TBC1D4: variants seen among roughly 807,000 people sequenced by gnomAD.
TBC1D4 encodes TBC1 domain family member 4.
A neutral mutation model predicts 142.5 loss-of-function variants in TBC1D4; 121 were observed. The observed-to-expected ratio is 0.85, with a 90% confidence interval of 0.73 to 0.99. TBC1D4 has a LOEUF of 0.99. TBC1D4 is among the 50% of genes least tolerant of loss of function. The pLI, the probability that TBC1D4 is intolerant of heterozygous loss-of-function variation, is 0.00. For missense variants in TBC1D4, 1,475 were observed against 1,606.6 expected, an observed-to-expected ratio of 0.92 and a Z score of 1.40; for synonymous variants, 630 against 628.2, an observed-to-expected ratio of 1.00 and a Z score of -0.04.
At chr13:75,301,985 T>C (rs555748865) in intron 16 of TBC1D4, among the ~76,000 whole-genome samples, 2 of 152,284 alleles carry the variant, frequency 1.3e-5, no homozygotes, top group South Asian at 2.1e-4. Flanking sequence ...ATATGACCTT[T>C]ATAATAATTT....
chr13:75,307,809 T>A (rs1877335000), intron 14 of TBC1D4, among the ~76,000 whole-genome samples: 1 of 152,210 alleles, frequency 6.6e-6, no homozygotes, highest in Non-Finnish European at 1.5e-5. Context: ...ACAGATGGCT[T>A]TCTAACACTG....
Position 75,349,411 on chromosome 13 carries a change from G to A in TBC1D4, c.1276-109C>T, listed in dbSNP as rs560750072. ...TGATGCTGACTAAATAAAAATAATA[G>A]AATTTTGATGACTAGAGAGTTAGCC... On this transcript the variant is annotated intron_variant, in intron 4 of 20. Coordinates refer to ENST00000377636, the MANE Select transcript of TBC1D4 (RefSeq NM_014832.5). 4 of 1,409,784 alleles carry A rather than the reference G, an allele frequency of 2.8e-6. No individual in the cohort carries two copies. In the East Asian group the frequency reaches 7.0e-5, roughly 25 times the overall value. The allele number at this position is 1,409,784 out of a possible 1,614,324, so 87.3% of individuals were successfully genotyped here.
At chr13:75,410,854 T>C (rs1173981316) in intron 1 of TBC1D4, among the ~76,000 whole-genome samples, 3 of 131,264 alleles carry the variant, frequency 2.3e-5, no homozygotes, top group African/African-American at 8.5e-5. Flanking sequence ...GAGAATGGCG[T>C]GAACCCGGGA....
Position 75,315,361 on chromosome 13 carries a change from T to TAC in TBC1D4, c.2223-2464_2223-2463insGT, listed in dbSNP as rs1341737945. 2.3e-3 allele frequency among the ~76,000 whole-genome samples: 334 copies of TAC among 148,224 alleles called. 1 individual carries two copies. Among genetic ancestry groups the TAC allele is most frequent in the African/African-American group, 7.8e-3 (316 of 40,642 alleles). ...CCTTCCTGAATATTGAATATATATA[T>TAC]ATATATATACACACACACACACACA... is the stretch of plus-strand genomic sequence containing the variant. On this transcript the variant is annotated intron_variant, in intron 12 of 20. Coordinates refer to ENST00000377636, the MANE Select transcript of TBC1D4 (RefSeq NM_014832.5).
rs778423955 is a variant in TBC1D4 at position 75,326,315 on chromosome 13, G to C, written c.1915C>G (p.Arg639Gly). The change falls in exon 10 of 21, where the codon CGG becomes GGG. Residue 639 changes from arginine to glycine, a missense_variant. Physicochemically the swap from Arg to Gly is moderately radical, Grantham distance 125. Coordinates refer to ENST00000377636, the MANE Select transcript of TBC1D4 (RefSeq NM_014832.5). ...GGTGGGTGGCTGAACGTGTGTGCCC[G>C]TCTTCGAAACTGCGGGGAGTCGGAA... is the stretch of plus-strand genomic sequence containing the variant. Reference protein sequence around the residue: ...EDSDSPQFRRRAHTFSHPPSS... With the variant: ...EDSDSPQFRRGAHTFSHPPSS... The C allele has an allele frequency of 6.2e-7, 1 of 1,613,982 alleles. No individual in the cohort carries two copies. Among genetic ancestry groups the C allele is most frequent in the Non-Finnish European group, 8.5e-7 (1 of 1,180,038 alleles).
At chr13:75,301,185 T>G (rs1876503158) in intron 16 of TBC1D4, among the ~76,000 whole-genome samples, 1 of 152,054 alleles carries the variant, frequency 6.6e-6, no homozygotes, top group South Asian at 2.1e-4. Context: ...TATATCAACT[T>G]TTAGGAGTAC....
chr13:75,403,639 C>T (rs1453663180), intron 1 of TBC1D4, among the ~76,000 whole-genome samples: 1 of 152,146 alleles, frequency 6.6e-6, no homozygotes, highest in Non-Finnish European at 1.5e-5. Flanking sequence ...ATTTCAATTA[C>T]ATTAGTTTTT....
At chr13:75,333,805 C>G (rs1173446392) in intron 8 of TBC1D4, among the ~76,000 whole-genome samples, 1 of 152,152 alleles carries the variant, frequency 6.6e-6, no homozygotes, top group East Asian at 1.9e-4. Flanking sequence ...CTTTAGGGTC[C>G]TTCAGTCTGG....
At position 75,292,213 on chromosome 13, in the gene TBC1D4, G is replaced by A. The variant is rs750552546; in HGVS notation, c.3375C>T (p.Ser1125=). The A allele has an allele frequency of 5.6e-6, 9 of 1,613,370 alleles. No individual in the cohort carries two copies. Among genetic ancestry groups the A allele is most frequent in the Non-Finnish European group, 7.6e-6 (9 of 1,179,636 alleles). ...ATTCCATTATAAGTGTCTCTTGGCT[G>A]CTCAGTAGGCTGAGTGCAACCTTGA... ...VIFKVALSLL[S]SQETLIMECE... The change falls in exon 19 of 21, where the codon AGC becomes AGT. Residue 1125 remains serine, a synonymous_variant. Transcript: ENST00000377636.
In TBC1D4 at chr13:75,320,044, C is replaced by T. The variant is rs1362000764; in HGVS notation, c.2199-7G>A. On this transcript the variant is annotated splice_polypyrimidine_tract_variant and splice_region_variant and intron_variant, in intron 11 of 20. Coordinates refer to ENST00000377636, the MANE Select transcript of TBC1D4 (RefSeq NM_014832.5). Reference sequence around the variant, plus strand: ...TTCTGAAGCAGTGTCTTGTCTGGTACAACAGGAAAACAAGGAATGGAATTA... The same window carrying T: ...TTCTGAAGCAGTGTCTTGTCTGGTATAACAGGAAAACAAGGAATGGAATTA... 6.2e-7 allele frequency: 1 copy of T among 1,613,178 alleles called. No homozygotes were observed. The highest frequency in any genetic ancestry group is 8.5e-7 in the Non-Finnish European group (1 of 1,179,570).
chr13:75,380,873 T>A (rs2138254619), intron 1 of TBC1D4, among the ~76,000 whole-genome samples: 1 of 152,140 alleles, frequency 6.6e-6, no homozygotes, highest in Non-Finnish European at 1.5e-5. Flanking sequence ...TCCCCCTACC[T>A]TTTTTTAACT....
At chr13:75,449,791 G>A (rs1301327790) in intron 1 of TBC1D4, among the ~76,000 whole-genome samples, 1 of 151,984 alleles carries the variant, frequency 6.6e-6, no homozygotes, top group Non-Finnish European at 1.5e-5. Flanking sequence ...CACCATGTTG[G>A]CGAGGCTGGT....
chr13:75,362,601 C>T lies in TBC1D4; in HGVS notation c.505G>A (p.Asp169Asn), dbSNP rs1434120563. Residue 169 changes from aspartate (D) to asparagine (N), a missense_variant, in exon 2 of 21, where the codon GAT becomes AAT. Around this residue, in one of 2 missense-constraint regions of TBC1D4, gnomAD observed 1,227 missense variants for 1,267.7 expected, o/e 0.97. Coordinates refer to ENST00000377636, the MANE Select transcript of TBC1D4 (RefSeq NM_014832.5). The surrounding 1 kb of genome is among the most constrained non-coding windows in gnomAD (Gnocchi z 4.2). ...AATTGCCTTATGCTGCTAATAACAT[C>T]AGGAACCTGGGGGAAAAAATTAAAA... ...FRATDPSQVPDVISSIRQLSK... is the reference protein window; with the variant it reads ...FRATDPSQVPNVISSIRQLSK... 4 of 1,613,918 alleles carry T rather than the reference C, an allele frequency of 2.5e-6. No homozygotes were observed. Among genetic ancestry groups the T allele is most frequent in the Non-Finnish European group, 3.4e-6 (4 of 1,179,908 alleles).
chr13:75,299,110 A>AT (rs1442656355), intron 17 of TBC1D4, among the ~76,000 whole-genome samples: 1 of 152,204 alleles, frequency 6.6e-6, no homozygotes, highest in African/African-American at 2.4e-5. Context: ...TACTTCAGGA[A>AT]TTTTATGGAA....
At chr13:75,383,044 G>A (rs1014576805) in intron 1 of TBC1D4, among the ~76,000 whole-genome samples, 10 of 152,154 alleles carry the variant, frequency 6.6e-5, no homozygotes, top group Admixed American at 1.3e-4. Context: ...ATCTTCGGTC[G>A]AGCACAGAGG....
chr13:75,383,168 C>T (rs1420395736), intron 1 of TBC1D4, among the ~76,000 whole-genome samples: 2 of 152,080 alleles, frequency 1.3e-5, no homozygotes, highest in Admixed American at 6.6e-5. Flanking sequence ...CCAAAAAATA[C>T]AAAAATTAGC....
At chr13:75,312,508 G>C (rs745532735) in intron 13 of TBC1D4, among the ~76,000 whole-genome samples, 11 of 151,988 alleles carry the variant, frequency 7.2e-5, no homozygotes, top group Non-Finnish European at 1.3e-4. Flanking sequence ...TTGTGGAGTA[G>C]GCCCAAGTAC....
intron 1 of TBC1D4, among the ~76,000 whole-genome samples, chr13:75,465,751 G>C (rs928032697): frequency 6.6e-6 from 1 of 152,112 alleles, no homozygotes; most frequent in African/African-American, 2.4e-5. Flanking sequence ...CTTTAAGTCT[G>C]ACAAGAAACA....
chr13:75,446,839 A>AT lies in TBC1D4; in HGVS notation c.498+34430dup, dbSNP rs200302498. On this transcript the variant is annotated intron_variant, in intron 1 of 20. Coordinates refer to ENST00000377636, the MANE Select transcript of TBC1D4 (RefSeq NM_014832.5). ...GGTTGATCTCAAATTAGTCCATATA[A>AT]TTTTTTTTTTTAACAAACAGGTGAA... Among the ~76,000 whole-genome samples, 1,179 of 149,194 alleles carry AT rather than the reference A, an allele frequency of 7.9e-3. 23 individuals carry two copies. Among genetic ancestry groups the AT allele is most frequent in the East Asian group, 0.071 (367 of 5,138 alleles).
Sources: allele counts gnomAD v4.1 joint callset (sites outside exome capture counted in the v4.1 genomes callset), GRCh38; gene constraint gnomAD v4.1.1; regional missense constraint gnomAD v4.1.1; non-coding constraint Gnocchi (gnomAD v3.1); transcripts MANE v1.5; gene names NCBI Gene and HGNC (gene_info 2026-07-23, HGNC 2026-07-21).